The following TCF4 variants were observed in gnomAD, a reference collection of about 807,000 sequenced individuals.
TCF4 encodes SL3-3 enhancer factor 2.
In TCF4, 3 loss-of-function variants were observed where a neutral mutation model predicts 82.1. The ratio of observed to expected loss-of-function variants is 0.04; its 90% CI spans 0.02 to 0.09. TCF4 has a LOEUF of 0.09. Ranked by LOEUF, TCF4 falls within the 10% of genes least tolerant of loss-of-function variation. The pLI is 1.00. For missense variants in TCF4, 518 were observed against 852.7 expected, an observed-to-expected ratio of 0.61 and a Z score of 4.89; for synonymous variants, 276 against 309.6, an observed-to-expected ratio of 0.89 and a Z score of 1.14.
At chr18:55,437,021 T>A (rs532313612) in intron 5 of TCF4, among the ~76,000 whole-genome samples, 2 of 152,350 alleles carry the variant, frequency 1.3e-5, no homozygotes, top group East Asian at 3.9e-4. Context: ...CTACAACCAA[T>A]ATTGAAGCTA....
chr18:55,294,390 G>A (rs976457138), intron 8 of TCF4, among the ~76,000 whole-genome samples: 9 of 152,080 alleles, frequency 5.9e-5, no homozygotes, highest in African/African-American at 2.2e-4. Flanking sequence ...CAATACAATG[G>A]GTTGCCCAAA....
intron 3 of TCF4, chr18:55,496,220 A>G (rs2096634089): frequency 6.6e-6 from 1 of 152,164 alleles, no homozygotes; most frequent in Admixed American, 6.6e-5. Context: ...CAAGTAAAGA[A>G]CCTAAATTCA....
At chr18:55,524,350 T>C (rs2096959478) in intron 3 of TCF4, among the ~76,000 whole-genome samples, 1 of 152,054 alleles carries the variant, frequency 6.6e-6, no homozygotes, top group South Asian at 2.1e-4. Context: ...ATACACATTA[T>C]CTAATTCAAT....
chr18:55,504,088 A>G (rs569723608), intron 3 of TCF4, among the ~76,000 whole-genome samples: 2 of 152,158 alleles, frequency 1.3e-5, no homozygotes, highest in Admixed American at 6.5e-5. Flanking sequence ...AAAGGAATCT[A>G]TTCTAATTGC....
At chr18:55,563,506 T>C (rs964195090) in intron 3 of TCF4, among the ~76,000 whole-genome samples, 1 of 152,202 alleles carries the variant, frequency 6.6e-6, no homozygotes, top group African/African-American at 2.4e-5. Flanking sequence ...GTAATACACA[T>C]GAAAGAACTT....
chr18:55,359,025 T>C (rs1264589708), intron 6 of TCF4, among the ~76,000 whole-genome samples: 3 of 152,216 alleles, frequency 2.0e-5, no homozygotes, highest in Non-Finnish European at 4.4e-5. Context: ...TGTGTTATAT[T>C]ATAATGTAAG....
upstream of TCF4, among the ~76,000 whole-genome samples, chr18:55,593,262 TA>T (rs548537648): frequency 0.067 from 9,861 of 146,638 alleles, 435 homozygotes; most frequent in Middle Eastern, 0.11. Flanking sequence ...ATGTCAGATG[TA>T]AAAAAAAAAA....
At chr18:55,415,604 A>T (rs879187809) in intron 5 of TCF4, among the ~76,000 whole-genome samples, 2 of 152,200 alleles carry the variant, frequency 1.3e-5, no homozygotes, top group Non-Finnish European at 2.9e-5. Context: ...TAACGTGCTC[A>T]ATTTAGGATC....
chr18:55,366,309 G>T (rs570825491), intron 6 of TCF4, among the ~76,000 whole-genome samples: 1 of 152,092 alleles, frequency 6.6e-6, no homozygotes, highest in Non-Finnish European at 1.5e-5. Context: ...GAATATCTAC[G>T]TATCTATAAT....
intron 11 of TCF4, among the ~76,000 whole-genome samples, chr18:55,262,253 G>A (rs1280097216): frequency 6.6e-6 from 1 of 152,104 alleles, no homozygotes; most frequent in South Asian, 2.1e-4. Flanking sequence ...AGAACAAAGA[G>A]TATTGTGAAT....
intron 8 of TCF4, among the ~76,000 whole-genome samples, chr18:55,314,447 C>T (rs1187186920): frequency 6.6e-6 from 1 of 151,702 alleles, no homozygotes; most frequent in East Asian, 1.9e-4. Flanking sequence ...TTAAGTAATA[C>T]ATTTGATTAT....
chr18:55,254,409 A>AG (rs1432780220), intron 15 of TCF4, 88 bp downstream of exon 15: 10 of 1,324,330 alleles, frequency 7.6e-6, no homozygotes, highest in Non-Finnish European at 9.6e-6. Context: ...AATAAAGCTG[A>AG]TTTTTTAAAA....
chr18:55,292,148 T>A (rs1043220850), intron 8 of TCF4, among the ~76,000 whole-genome samples: 5 of 152,168 alleles, frequency 3.3e-5, no homozygotes, highest in Non-Finnish European at 7.4e-5. Flanking sequence ...TATTTTTTCA[T>A]TTGATCTAAT....
chr18:55,328,567 G>A (rs947398029), intron 8 of TCF4, among the ~76,000 whole-genome samples: 4 of 152,262 alleles, frequency 2.6e-5, no homozygotes, highest in African/African-American at 9.6e-5. Context: ...GCTGGTTAGC[G>A]AGCTTACCAC....
intron 3 of TCF4, chr18:55,482,960 C>T (rs2096461805): frequency 6.6e-6 from 1 of 152,204 alleles, no homozygotes; most frequent in Admixed American, 6.5e-5. Flanking sequence ...TTGTCCTTCT[C>T]CTTCATTGGA....
At chr18:55,436,277 G>A (rs1315883735) in intron 5 of TCF4, among the ~76,000 whole-genome samples, 1 of 152,108 alleles carries the variant, frequency 6.6e-6, no homozygotes, top group African/African-American at 2.4e-5. Context: ...AACATCCAGA[G>A]AAATAATTTT....
intron 2 of TCF4, among the ~76,000 whole-genome samples, chr18:55,610,320 C>G (rs182850836): frequency 2.0e-5 from 3 of 152,198 alleles, no homozygotes; most frequent in African/African-American, 7.2e-5. Flanking sequence ...TTTCCCTATG[C>G]CTTACTCCTG....
At chr18:55,375,170 C>T (rs569212531) in intron 6 of TCF4, among the ~76,000 whole-genome samples, 25 of 151,422 alleles carry the variant, frequency 1.7e-4, no homozygotes, top group Admixed American at 5.9e-4. Context: ...TTAAACCCTG[C>T]TTGGCCATTT....
At chr18:55,294,873 G>T (rs2066085081) in intron 8 of TCF4, among the ~76,000 whole-genome samples, 1 of 152,134 alleles carries the variant, frequency 6.6e-6, no homozygotes, top group Non-Finnish European at 1.5e-5. Context: ...TCCTGCCTTG[G>T]CCTGTGTCCG....
Sources: gnomAD v4.1 joint callset for allele counts (sites outside exome capture counted in the v4.1 genomes callset) on GRCh38, gnomAD v4.1.1 for gene constraint, MANE v1.5 for transcripts, NCBI Gene and HGNC (gene_info 2026-07-23, HGNC 2026-07-21) for gene names.